The following CLCN5 variants were observed in gnomAD, a reference collection of about 807,000 sequenced individuals.
CLCN5 encodes the protein H(+)/Cl(-) exchange transporter 5.
A neutral mutation model predicts 54.0 loss-of-function variants in CLCN5; 17 were observed. The ratio of observed to expected loss-of-function variants is 0.31; its 90% CI spans 0.22 to 0.47. CLCN5 has a LOEUF of 0.47. Ranked by LOEUF, CLCN5 falls within the 20% of genes least tolerant of loss-of-function variation. CLCN5 has a pLI of 1.00. For missense variants in CLCN5, 448 were observed against 646.7 expected (o/e 0.69, Z 3.33); for synonymous variants, 222 against 233.0 (o/e 0.95, Z 0.43).
chrX:50,028,926 C>G (rs1312856005), intron 3 of CLCN5, among the ~76,000 whole-genome samples: 3 of 111,555 alleles, frequency 2.7e-5, no homozygotes, highest in Non-Finnish European at 3.8e-5. Flanking sequence ...CTAATTTTGT[C>G]TGTTCACATC....
chrX:49,933,423 C>T, intron 3 of CLCN5, among the ~76,000 whole-genome samples: 1 of 111,684 alleles, frequency 9.0e-6, no homozygotes, highest in East Asian at 2.8e-4. Flanking sequence ...TTATTCTTTC[C>T]CAAGCACACA....
At chrX:49,984,979 T>C (rs976432077) in intron 3 of CLCN5, among the ~76,000 whole-genome samples, 2 of 110,632 alleles carry the variant, frequency 1.8e-5, no homozygotes, top group East Asian at 5.6e-4. Context: ...TGGGCTGTTT[T>C]TTTTTTGCTG....
intron 3 of CLCN5, among the ~76,000 whole-genome samples, chrX:50,025,260 CCTTT>C (rs1390828676): frequency 1.6e-5 from 1 of 63,455 alleles, no homozygotes; most frequent in African/African-American, 6.2e-5. Flanking sequence ...GTCCGTCACC[CCTTT>C]CTTTGACTCG....
Position 50,090,496 on chromosome X carries a change from G to T in CLCN5, c.2125G>T (p.Asp709Tyr). The T allele has an allele frequency of 1.7e-6, 2 of 1,207,090 alleles. No individual in the cohort carries two copies. The highest frequency in any genetic ancestry group is 2.2e-6 in the Non-Finnish European group (2 of 893,197). ...ACTTGTGGGCTTTGTCCTCCGAAGA[G>T]ATCTCATTATTTCAATTGGTAAGGA... Reference protein sequence around the residue: ...QRLVGFVLRRDLIISIENARK... With the variant: ...QRLVGFVLRRYLIISIENARK... The change falls in exon 13 of 15, where the codon GAT becomes TAT. Residue 709 changes from aspartate (D) to tyrosine (Y), a missense_variant. By Grantham distance (160) the Asp-to-Tyr change is radical (BLOSUM62 -3). This residue lies in a region of CLCN5 where 297 missense variants were observed against 470.4 expected (regional missense o/e 0.63). Transcript: ENST00000376091.
chrX:49,972,112 G>GGTGTGTGT (rs61157983), intron 3 of CLCN5, among the ~76,000 whole-genome samples: 39 of 86,593 alleles, frequency 4.5e-4, no homozygotes, highest in East Asian at 2.3e-3. Flanking sequence ...TGCATTCTCT[G>GGTGTGTGT]GTGTGTGTGT....
chrX:50,086,279 T>C, intron 10 of CLCN5, 49 bp from the exon 11 acceptor site: 3 of 1,130,134 alleles, frequency 2.7e-6, no homozygotes, highest in Non-Finnish European at 3.6e-6. Context: ...TCACCTGAAA[T>C]AGTTTCTGCG....
At chrX:50,008,176 C>T (rs991374054) in intron 3 of CLCN5, among the ~76,000 whole-genome samples, 1 of 112,128 alleles carries the variant, frequency 8.9e-6, no homozygotes, top group African/African-American at 3.2e-5. Flanking sequence ...AAAGCATTTG[C>T]GGGATCATGA....
intron 4 of CLCN5, among the ~76,000 whole-genome samples, chrX:50,057,673 T>C (rs868989004): frequency 4.9e-4 from 45 of 91,949 alleles, no homozygotes; most frequent in African/African-American, 1.8e-3. Context: ...CCTGGATAGA[T>C]ACTATCCAGG....
rs1934133217 is a variant in CLCN5 at position 50,092,390 on chromosome X, T to A, written c.*171T>A. 4.5e-6 allele frequency: 2 copies of A among 440,527 alleles called. No homozygotes were observed. Among genetic ancestry groups the A allele is most frequent in the Non-Finnish European group, 8.0e-6 (2 of 251,082 alleles). 36.3% of individuals were successfully genotyped at this position (440,527 alleles called of 1,213,427 possible). A position where few individuals can be genotyped will look rare whatever the true frequency, so the allele number is the denominator to read the frequency against. ...CACTACATAATCTCTGGAAATTAATTTTCTCTTTAGGAGAAATTATAGTTA... is the reference window on the plus strand; with the variant it reads ...CACTACATAATCTCTGGAAATTAATATTCTCTTTAGGAGAAATTATAGTTA... On this transcript the variant is annotated 3_prime_UTR_variant, in exon 15 of 15. Coordinates refer to ENST00000376091, the MANE Select transcript of CLCN5 (RefSeq NM_001127898.4).
chrX:50,007,233 A>G (rs1308631278), intron 3 of CLCN5, among the ~76,000 whole-genome samples: 2 of 112,160 alleles, frequency 1.8e-5, no homozygotes, highest in African/African-American at 3.2e-5. Context: ...CAAGCAAGGC[A>G]TACAGGAGAA....
At chrX:49,957,742 C>T (rs782619245) in intron 3 of CLCN5, among the ~76,000 whole-genome samples, 1 of 112,013 alleles carries the variant, frequency 8.9e-6, no homozygotes, top group African/African-American at 3.2e-5. Flanking sequence ...TGACATTGAT[C>T]CATTAATTGG....
At chrX:50,080,832 T>C in intron 8 of CLCN5, 116 bp downstream of exon 8, 1 of 646,033 alleles carries the variant, frequency 1.5e-6, no homozygotes, top group Non-Finnish European at 2.5e-6. Flanking sequence ...CAGGATCAGA[T>C]CCTGAGGCCA....
rs782377825 is a variant in CLCN5 at position 50,009,348 on chromosome X, G to A, written c.17-32968G>A. Among the ~76,000 whole-genome samples the A allele has an allele frequency of 5.4e-5, 6 of 112,073 alleles. No individual in the cohort carries two copies. The East Asian group carries it at 1.7e-3, about 32-fold the overall frequency. On this transcript the variant is annotated intron_variant, in intron 3 of 14. Coordinates refer to ENST00000376091, the MANE Select transcript of CLCN5 (RefSeq NM_001127898.4). ...AGTCTTTGCTCTCAGTGAGCTTATA[G>A]TTTACCAGAGAAACAGAAGAGAATG...
chrX:50,073,136 A>G (rs1462682637), intron 6 of CLCN5, among the ~76,000 whole-genome samples: 1 of 111,160 alleles, frequency 9.0e-6, no homozygotes, highest in Non-Finnish European at 1.9e-5. Flanking sequence ...CATATAATAT[A>G]CAGTCTCACT....
intron 3 of CLCN5, among the ~76,000 whole-genome samples, chrX:49,929,216 A>T (rs1174859595): frequency 9.0e-6 from 1 of 111,355 alleles, no homozygotes; most frequent in Non-Finnish European, 1.9e-5. Context: ...GGAGAATTTG[A>T]TCTGAATTCC....
chrX:49,946,644 T>C (rs1313324403), intron 3 of CLCN5, among the ~76,000 whole-genome samples: 1 of 110,438 alleles, frequency 9.1e-6, no homozygotes, highest in African/African-American at 3.3e-5. Flanking sequence ...CTCATTACCC[T>C]TGCCATATTC....
At chrX:49,997,690 C>CTT (rs370838817) in intron 3 of CLCN5, among the ~76,000 whole-genome samples, 3 of 100,842 alleles carry the variant, frequency 3.0e-5, no homozygotes, top group Admixed American at 1.1e-4. Flanking sequence ...TATGCCCGGC[C>CTT]TTTTTTTTTT....
Position 50,080,723 on chromosome X carries a change from C to T in CLCN5, c.726+7C>T. The T allele has an allele frequency of 8.4e-7, 1 of 1,194,513 alleles. No individual in the cohort carries two copies. Among genetic ancestry groups the T allele is most frequent in the Non-Finnish European group, 1.1e-6 (1 of 880,943 alleles). On this transcript the variant is annotated splice_region_variant and intron_variant, in intron 8 of 14. Coordinates refer to ENST00000376091, the MANE Select transcript of CLCN5 (RefSeq NM_001127898.4). ...TGGCTCTGGAATCCCTGAGGTGAGT[C>T]TCTTAAAATGGTTTATAAATGGTTA...
chrX:50,078,257 C>T, intron 7 of CLCN5, among the ~76,000 whole-genome samples: 1 of 110,672 alleles, frequency 9.0e-6, no homozygotes, highest in Admixed American at 9.6e-5. Flanking sequence ...TTCCCTGAAC[C>T]CAGGAGATCC....
Sources: allele counts gnomAD v4.1 joint callset (sites outside exome capture counted in the v4.1 genomes callset), GRCh38; gene constraint gnomAD v4.1.1; regional missense constraint gnomAD v4.1.1; transcripts MANE v1.5; gene names NCBI Gene and HGNC (gene_info 2026-07-23, HGNC 2026-07-21).